KIAA1671: variants seen among roughly 807,000 people sequenced by gnomAD.
The protein encoded by KIAA1671 is KIAA1671, also known as uncharacterized protein KIAA1671.
A neutral mutation model predicts 131.2 loss-of-function variants in KIAA1671; 52 were observed. That is an observed-to-expected ratio of 0.40 (90% CI 0.32 to 0.50). The LOEUF (loss-of-function observed/expected upper bound fraction) is 0.50, where lower values mean the gene tolerates loss of function less well. Among genes scored for constraint, KIAA1671 ranks in the 20% least tolerant of loss-of-function variants. The probability of loss-of-function intolerance (pLI) is 0.73; values close to 1 mark genes in which losing one functional copy is unlikely to be tolerated. For missense variants in KIAA1671, 2,360 were observed against 2,364.2 expected (o/e 1.00, Z 0.04); for synonymous variants, 1,003 against 961.6 (o/e 1.04, Z -0.80).
chr22:25,045,887 G>A (rs957518383), intron 5 of KIAA1671, among the ~76,000 whole-genome samples: 2 of 148,084 alleles, frequency 1.4e-5, no homozygotes, highest in African/African-American at 2.5e-5. Flanking sequence ...CACTGCACCC[G>A]GCCTCCCCTT....
In KIAA1671 at chr22:25,174,326, C is replaced by T. The variant is rs375691263; in HGVS notation, c.4736C>T (p.Thr1579Met). The T allele has an allele frequency of 9.5e-5, 147 of 1,551,976 alleles. No homozygotes were observed. Among genetic ancestry groups the T allele is most frequent in the Middle Eastern group, 3.3e-4 (2 of 5,992 alleles). The change falls in exon 8 of 13, where the codon ACG becomes ATG. Residue 1579 changes from threonine (T) to methionine (M), a missense_variant. Physicochemically the swap from Thr to Met is moderately conservative, Grantham distance 81 (BLOSUM62 -1). Around this residue, in one of 3 missense-constraint regions of KIAA1671, gnomAD observed 1,161 missense variants for 1,204.7 expected, o/e 0.96. Coordinates refer to ENST00000358431, the MANE Select transcript of KIAA1671 (RefSeq NM_001145206.2). ...CGTTTGTCTTCTCTGTCCTCCCAAA[C>T]GGAGCCCACCTCGGCAGGGGACCAG... is the stretch of plus-strand genomic sequence containing the variant. ...SSRLSSLSSQ[T>M]EPTSAGDQYD...
At chr22:25,000,209 T>TTTTTAAATGTAGCTTTCGATG (rs1602056725) in intron 1 of KIAA1671, among the ~76,000 whole-genome samples, 1 of 72,234 alleles carries the variant, frequency 1.4e-5, no homozygotes, top group African/African-American at 5.0e-5. Context: ...TTTTTTTTTT[T>TTTTTAAATGTAGCTTTCGATG]TTGAGACGGA....
intron 6 of KIAA1671, chr22:25,061,253 A>G (rs1205259113): frequency 6.6e-6 from 1 of 152,226 alleles, no homozygotes; most frequent in Non-Finnish European, 1.5e-5. Context: ...GAGATGCTGA[A>G]TCTTCTACTT....
At position 25,074,514 on chromosome 22, in the gene KIAA1671, A is replaced by AAAAGAAAG. The variant is rs761192547; in HGVS notation, c.4530+25158_4530+25165dup. On this transcript the variant is annotated intron_variant, in intron 6 of 12. Transcript: ENST00000358431. Reference sequence around the variant, plus strand: ...TGTGTCTCAAAAAAAAAAAAAAAAAAAAAGAAAGAAAGAAATTGAGGCATA... The same window carrying AAAAGAAAG: ...TGTGTCTCAAAAAAAAAAAAAAAAAAAAAGAAAGAAAGAAAGAAAGAAATTGAGGCATA... 7.7e-5 allele frequency among the ~76,000 whole-genome samples: 9 copies of AAAAGAAAG among 117,474 alleles called. No individual in the cohort carries two copies. The South Asian group carries it at 8.3e-4, about 11-fold the overall frequency. 77.1% of individuals were successfully genotyped at this position (117,474 alleles called of 152,430 possible).
chr22:25,073,151 T>C (rs935881949), intron 6 of KIAA1671, among the ~76,000 whole-genome samples: 3 of 152,178 alleles, frequency 2.0e-5, no homozygotes, highest in Non-Finnish European at 4.4e-5. Flanking sequence ...CACTGCAGCC[T>C]TGTCCTCCTG....
chr22:25,125,683 C>G (rs1299823644), intron 6 of KIAA1671, among the ~76,000 whole-genome samples: 1 of 152,214 alleles, frequency 6.6e-6, no homozygotes, highest in African/African-American at 2.4e-5. Context: ...ACCATCCTTC[C>G]CATCCCCAGT....
chr22:24,978,222 G>A (rs1040189861), intron 1 of KIAA1671, among the ~76,000 whole-genome samples: 1 of 152,068 alleles, frequency 6.6e-6, no homozygotes, highest in Admixed American at 6.5e-5. Context: ...TCACGGGGGC[G>A]GTTTTCCCCA....
At chr22:25,072,681 C>A (rs551747556) in intron 6 of KIAA1671, among the ~76,000 whole-genome samples, 2 of 152,292 alleles carry the variant, frequency 1.3e-5, no homozygotes, top group South Asian at 4.1e-4. Context: ...TCCATTTCAG[C>A]TTCCCAAACT....
intron 4 of KIAA1671, among the ~76,000 whole-genome samples, chr22:25,037,621 C>T (rs968960960): frequency 3.2e-4 from 48 of 152,100 alleles, no homozygotes; most frequent in African/African-American, 1.2e-3. Context: ...AATCTTCTAT[C>T]ACCTCAAATG....
intron 10 of KIAA1671, among the ~76,000 whole-genome samples, chr22:25,184,030 TC>T (rs1934385386): frequency 6.6e-6 from 1 of 152,240 alleles, no homozygotes; most frequent in Admixed American, 6.5e-5. Flanking sequence ...ACAGCTCCAG[TC>T]CACTGTGCTC....
rs529678473 is a variant in KIAA1671, at chr22:25,126,068, T to C, written c.4531-44752T>C. On this transcript the variant is annotated intron_variant, in intron 6 of 12. Transcript: ENST00000358431. ...ATAGTTCTTTATAAACAGTGGCTTT[T>C]ATTGTCATTCTAGTTATCACCTGTC... Among the ~76,000 whole-genome samples, 31 of 152,326 alleles carry C rather than the reference T, an allele frequency of 2.0e-4. No homozygotes were observed. In the South Asian group the frequency reaches 5.6e-3, roughly 28 times the overall value.
Position 25,029,579 on chromosome 22 carries a change from A to T in KIAA1671, c.1541+39A>T, listed in dbSNP as rs982633051. On this transcript the variant is annotated intron_variant, in intron 3 of 12. Transcript: ENST00000358431. ...TCCCACACCCCTCTCTCAGCCGCCC[A>T]CCCACACACCCTGAGGAAGACGGAA... is the stretch of plus-strand genomic sequence containing the variant. 186 of 1,410,226 alleles carry T rather than the reference A, an allele frequency of 1.3e-4. 2 individuals carry two copies. In the South Asian group the frequency reaches 1.3e-3, roughly 10 times the overall value. 87.4% of individuals were successfully genotyped at this position (1,410,226 alleles called of 1,614,324 possible). A position where few individuals can be genotyped will look rare whatever the true frequency, so the allele number is the denominator to read the frequency against.
At chr22:24,976,801 G>A (rs1025008281) in intron 1 of KIAA1671, among the ~76,000 whole-genome samples, 71 of 152,194 alleles carry the variant, frequency 4.7e-4, no homozygotes, top group African/African-American at 1.7e-3. Flanking sequence ...AGGTTGGGGT[G>A]CTTGGGCTGG....
chr22:25,102,602 C>G (rs746304069), intron 6 of KIAA1671: 1 of 152,150 alleles, frequency 6.6e-6, no homozygotes. Flanking sequence ...ACCACCATGC[C>G]TGGCTAATTT....
At position 25,184,872 on chromosome 22, in the gene KIAA1671, G is replaced by T. The variant is rs186724965; in HGVS notation, c.5200-105G>T. ...GTCTGGGTTTATTCCGATTCAGGGGGCCCCGAGTGTTTGCAGAAGGCTCAT... is the reference window on the plus strand; with the variant it reads ...GTCTGGGTTTATTCCGATTCAGGGGTCCCCGAGTGTTTGCAGAAGGCTCAT... On this transcript the variant is annotated intron_variant, in intron 10 of 12. Transcript: ENST00000358431. 5 of 1,336,802 alleles carry T rather than the reference G, an allele frequency of 3.7e-6. No homozygotes were observed. The Admixed American group carries it at 7.9e-5, about 21-fold the overall frequency. The allele number at this position is 1,336,802 out of a possible 1,614,324, so 82.8% of individuals were successfully genotyped here. A position where few individuals can be genotyped will look rare whatever the true frequency, so the allele number is the denominator to read the frequency against.
intron 6 of KIAA1671, among the ~76,000 whole-genome samples, chr22:25,107,966 C>T (rs1931112174): frequency 6.6e-6 from 1 of 152,072 alleles, no homozygotes; most frequent in Non-Finnish European, 1.5e-5. Flanking sequence ...TGATATCACG[C>T]CATTGCACTC....
intron 1 of KIAA1671, among the ~76,000 whole-genome samples, chr22:24,986,472 A>G (rs1923539650): frequency 6.6e-6 from 1 of 151,082 alleles, no homozygotes; most frequent in African/African-American, 2.5e-5. Context: ...TACATTGTTT[A>G]TGGAATATGA....
chr22:25,178,162 C>T (rs1045549103), intron 9 of KIAA1671, among the ~76,000 whole-genome samples: 9 of 152,158 alleles, frequency 5.9e-5, no homozygotes, highest in African/African-American at 2.2e-4. Context: ...AGACAGCCTC[C>T]CCCACCGCCG....
chr22:25,137,863 G>T (rs150611046), intron 6 of KIAA1671, among the ~76,000 whole-genome samples: 4 of 152,362 alleles, frequency 2.6e-5, no homozygotes, highest in Non-Finnish European at 5.9e-5. Context: ...TTGAGGCCCA[G>T]AGAGGTTAAG....
Sources: gnomAD v4.1 joint callset for allele counts (sites outside exome capture counted in the v4.1 genomes callset) on GRCh38, gnomAD v4.1.1 for gene constraint, gnomAD v4.1.1 regional missense constraint, MANE v1.5 for transcripts, NCBI Gene and HGNC (gene_info 2026-07-23, HGNC 2026-07-21) for gene names.